The following CST8 variants were observed in gnomAD, a reference collection of about 807,000 sequenced individuals.
CST8 encodes the protein cystatin 8.
Under a neutral mutation model 11.8 loss-of-function variants are expected in CST8, and 20 were observed. That is an observed-to-expected ratio of 1.70 (90% CI 1.20 to 2.47). CST8 has a LOEUF of 2.47. Ranked by LOEUF, CST8 falls within the 30% of genes most tolerant of loss-of-function variation. CST8 has a pLI of 0.00. For synonymous variants in CST8, 77 were observed against 63.1 expected (o/e 1.22, Z -1.05); for missense variants, 196 against 167.2 (o/e 1.17, Z -0.95).
chr20:23,500,690 G>A (rs1485988222), downstream of CST8, among the ~76,000 whole-genome samples: 1 of 151,812 alleles, frequency 6.6e-6, no homozygotes, highest in African/African-American at 2.4e-5. Flanking sequence ...TGAGAGTGTG[G>A]GGGTGAAAAT....
intron 2 of CST8, 30 bp downstream of exon 2, chr20:23,491,928 T>A (rs1338944062): frequency 1.9e-6 from 3 of 1,550,404 alleles, no homozygotes; most frequent in Non-Finnish European, 2.7e-6. Context: ...TAGGTGGACA[T>A]TTGCATATGG....
intron 3 of CST8, among the ~76,000 whole-genome samples, chr20:23,493,375 C>T (rs1332557368): frequency 6.6e-6 from 1 of 152,200 alleles, no homozygotes; most frequent in Non-Finnish European, 1.5e-5. Context: ...CACCAAAAGC[C>T]TGTCCTCTTG....
At chr20:23,492,248 A>G (rs1987910681) in intron 2 of CST8, among the ~76,000 whole-genome samples, 2 of 152,248 alleles carry the variant, frequency 1.3e-5, no homozygotes, top group Non-Finnish European at 2.9e-5. Context: ...CAACTAGCAG[A>G]CACTCCTTCA....
At chr20:23,499,989 AG>A (rs1411072168), downstream of CST8, among the ~76,000 whole-genome samples, 1 of 151,830 alleles carries the variant, frequency 6.6e-6, no homozygotes, top group Non-Finnish European at 1.5e-5. Flanking sequence ...AGAGAGAGAA[AG>A]GGGAAGGGTA....
At chr20:23,493,348 A>G (rs1987949057) in intron 3 of CST8, among the ~76,000 whole-genome samples, 1 of 152,162 alleles carries the variant, frequency 6.6e-6, no homozygotes, top group Admixed American at 6.5e-5. Context: ...ATGCAGGCAC[A>G]CTGGACAACA....
chr20:23,502,195 G>A, the CST8 span, among the ~76,000 whole-genome samples: 1 of 152,188 alleles, frequency 6.6e-6, no homozygotes, highest in East Asian at 1.9e-4. Context: ...CTAAAAGCCA[G>A]CACTTACTGA....
chr20:23,495,758 A>C, intron 3 of CST8, 73 bp from the exon 4 acceptor site: 329 of 1,066,022 alleles, frequency 3.1e-4, no homozygotes, highest in Non-Finnish European at 4.2e-4. Flanking sequence ...TAGCAACAGG[A>C]CAATTGTTTT....
intron 3 of CST8, 33 bp from the exon 4 acceptor site, chr20:23,495,798 T>A: frequency 2.9e-5 from 35 of 1,224,994 alleles, no homozygotes; most frequent in Non-Finnish European, 4.0e-5. Context: ...TTTTTGGCAC[T>A]CTACTAATTT....
At chr20:23,491,395 C>T (rs1987874251) in intron 1 of CST8, 53 bp downstream of exon 1, 2 of 501,114 alleles carry the variant, frequency 4.0e-6, no homozygotes, top group East Asian at 3.7e-5. Flanking sequence ...CCTAGACACA[C>T]AGATTGCTCT....
At chr20:23,491,474 AAG>A in intron 1 of CST8, 49 bp from the exon 2 acceptor site, 1 of 593,940 alleles carries the variant, frequency 1.7e-6, no homozygotes, top group South Asian at 2.1e-5. Context: ...TCCATGGAGA[AAG>A]AGAGGACAAA....
chr20:23,495,818 T>C lies in CST8; in HGVS notation c.346-13T>C. The C allele has an allele frequency of 6.4e-7, 1 of 1,570,670 alleles. No individual in the cohort carries two copies. The highest frequency in any genetic ancestry group is 8.7e-7 in the Non-Finnish European group (1 of 1,149,256). ...GGCACTCTACTAATTTTTGTTGTTGTCATCTTTTTCAGAAATTAAGCTGCA... is the reference window on the plus strand; with the variant it reads ...GGCACTCTACTAATTTTTGTTGTTGCCATCTTTTTCAGAAATTAAGCTGCA... On this transcript the variant is annotated splice_polypyrimidine_tract_variant and intron_variant, in intron 3 of 3. Coordinates refer to ENST00000246012, the MANE Select transcript of CST8 (RefSeq NM_005492.4).
intron 3 of CST8, among the ~76,000 whole-genome samples, chr20:23,493,702 T>A (rs1407068278): frequency 6.6e-6 from 1 of 152,198 alleles, no homozygotes; most frequent in Non-Finnish European, 1.5e-5. Flanking sequence ...CTGTATTTTT[T>A]ATCTCAGAGC....
At chr20:23,491,446 G>C (rs1987875871) in intron 1 of CST8, 79 bp from the exon 2 acceptor site, 2 of 577,690 alleles carry the variant, frequency 3.5e-6, no homozygotes, top group Admixed American at 3.0e-5. Flanking sequence ...CTCCTTAACT[G>C]GCATTCCTGG....
chr20:23,501,453 C>T, the CST8 span, among the ~76,000 whole-genome samples: 2 of 152,232 alleles, frequency 1.3e-5, no homozygotes, highest in Non-Finnish European at 2.9e-5. Context: ...TGCCCCATCC[C>T]GTGTCGGGTC....
the CST8 span, among the ~76,000 whole-genome samples, chr20:23,502,004 C>G: frequency 6.6e-6 from 1 of 152,172 alleles, no homozygotes; most frequent in Admixed American, 6.5e-5. Flanking sequence ...GCTTGACCAC[C>G]CAGGTGAAGC....
At chr20:23,501,660 C>T in the CST8 span, among the ~76,000 whole-genome samples, 1 of 152,188 alleles carries the variant, frequency 6.6e-6, no homozygotes, top group Non-Finnish European at 1.5e-5. Context: ...CCAGAGAAGG[C>T]GACACTGCGA....
At chr20:23,502,339 T>C in the CST8 span, among the ~76,000 whole-genome samples, 1 of 152,244 alleles carries the variant, frequency 6.6e-6, no homozygotes, top group Non-Finnish European at 1.5e-5. Flanking sequence ...TGGGGGTATG[T>C]GCTAGTGTGA....
In CST8 at chr20:23,491,300, A is replaced by G. The variant is rs1379710783; in HGVS notation, c.-186A>G. The G allele has an allele frequency of 3.8e-6, 1 of 260,806 alleles. No homozygotes were observed. The highest frequency in any genetic ancestry group is 2.2e-5 in the African/African-American group (1 of 45,278). The allele number at this position is 260,806 out of a possible 1,614,324, so 16.2% of individuals were successfully genotyped here. A position where few individuals can be genotyped will look rare whatever the true frequency, so the allele number is the denominator to read the frequency against. On this transcript the variant is annotated 5_prime_UTR_variant, in exon 1 of 4. Coordinates refer to ENST00000246012, the MANE Select transcript of CST8 (RefSeq NM_005492.4). Reference sequence around the variant, plus strand: ...CAGCCACAGTTTTCATGATCACATCATACAGGACTGAGAAGCAGATAACAA... The same window carrying G: ...CAGCCACAGTTTTCATGATCACATCGTACAGGACTGAGAAGCAGATAACAA...
At chr20:23,496,020 C>A, downstream of CST8, 1 of 850,786 alleles carries the variant, frequency 1.2e-6, no homozygotes, top group Non-Finnish European at 1.9e-6. Flanking sequence ...ATGCATGCCT[C>A]TCTGCTTGGT....
Sources: gnomAD v4.1 joint callset for allele counts (sites outside exome capture counted in the v4.1 genomes callset) on GRCh38, gnomAD v4.1.1 for gene constraint, MANE v1.5 for transcripts, NCBI Gene and HGNC (gene_info 2026-07-23, HGNC 2026-07-21) for gene names.